Variants in FNDC1 observed in about 807,000 individuals in gnomAD.
The protein encoded by FNDC1 is fibronectin type III domain containing 1.
In FNDC1, 96 loss-of-function variants were observed where a neutral mutation model predicts 168.0. The observed-to-expected ratio is 0.57, with a 90% CI of 0.48 to 0.68. The LOEUF (loss-of-function observed/expected upper bound fraction) is 0.68. Ranked by LOEUF, FNDC1 falls within the 30% of genes least tolerant of loss-of-function variation. The pLI is 0.00. For synonymous variants in FNDC1, 1,099 were observed against 1,025.9 expected, an observed-to-expected ratio of 1.07 and a Z score of -1.36; for missense variants, 2,587 against 2,482.1, an observed-to-expected ratio of 1.04 and a Z score of -0.90.
At chr6:159,255,646 T>C (rs1159830339) in intron 17 of FNDC1, among the ~76,000 whole-genome samples, 1 of 152,244 alleles carries the variant, frequency 6.6e-6, no homozygotes, top group Non-Finnish European at 1.5e-5. Context: ...CTATTGCTAA[T>C]ACTCAGTTTC....
At chr6:159,230,822 T>G (rs904742358) in intron 10 of FNDC1, among the ~76,000 whole-genome samples, 1 of 152,226 alleles carries the variant, frequency 6.6e-6, no homozygotes, top group Non-Finnish European at 1.5e-5. Flanking sequence ...GTGAAATGGA[T>G]GACATTTGCC....
At chr6:159,219,465 C>T (rs1258446358) in intron 5 of FNDC1, among the ~76,000 whole-genome samples, 2 of 152,102 alleles carry the variant, frequency 1.3e-5, no homozygotes, top group African/African-American at 4.8e-5. Context: ...GTCAGCTCTG[C>T]ACCCGCCCCT....
At chr6:159,183,873 C>T (rs922558200) in intron 1 of FNDC1, among the ~76,000 whole-genome samples, 1 of 152,206 alleles carries the variant, frequency 6.6e-6, no homozygotes, top group Admixed American at 6.5e-5. Context: ...ATTCAGGGCA[C>T]GAGCTCATGT....
intron 4 of FNDC1, among the ~76,000 whole-genome samples, chr6:159,202,529 A>G (rs1219186109): frequency 6.6e-6 from 1 of 152,214 alleles, no homozygotes; most frequent in African/African-American, 2.4e-5. Context: ...ACCTGGTGTA[A>G]GGCCCAAAGG....
At chr6:159,187,586 C>T (rs1782030077) in intron 1 of FNDC1, among the ~76,000 whole-genome samples, 1 of 152,178 alleles carries the variant, frequency 6.6e-6, no homozygotes, top group Admixed American at 6.5e-5. Context: ...GTCTACCCAA[C>T]AGCAGCCTCC....
At chr6:159,199,885 T>C (rs1276575919) in intron 2 of FNDC1, 111 bp from the exon 3 acceptor site, 2 of 870,488 alleles carry the variant, frequency 2.3e-6, no homozygotes, top group Admixed American at 2.2e-5. Flanking sequence ...TTTGGATTTT[T>C]GTATTTGGTT....
At chr6:159,174,454 T>C (rs1442776244) in intron 1 of FNDC1, among the ~76,000 whole-genome samples, 1 of 152,262 alleles carries the variant, frequency 6.6e-6, no homozygotes, top group Non-Finnish European at 1.5e-5. Context: ...TAGAGGGCGC[T>C]CCTGGACTTC....
chr6:159,172,849 G>A (rs929717565), intron 1 of FNDC1, among the ~76,000 whole-genome samples: 5 of 152,128 alleles, frequency 3.3e-5, no homozygotes, highest in African/African-American at 1.2e-4. Context: ...TGTGAGGCTG[G>A]GTTTTCTCCA....
rs1447072493 is a variant in FNDC1, at chr6:159,233,835, C to A, written c.3323C>A (p.Pro1108His). ...GCCAAGGAGGCAGCTGCGTCCCTTC[C>A]CAAGCACCAGCAGGTGGAGTCTCCC... Reference protein sequence around the residue: ...ARAKEAAASLPKHQQVESPTG... With the variant: ...ARAKEAAASLHKHQQVESPTG... The change falls in exon 11 of 23, where the codon CCC becomes CAC. Residue 1108 changes from proline (P) to histidine (H), a missense_variant. Transcript: ENST00000297267. The surrounding 1 kb of genome is among the most constrained non-coding windows in gnomAD (Gnocchi z 4.6). 2 of 1,543,424 alleles carry A rather than the reference C, an allele frequency of 1.3e-6. No individual in the cohort carries two copies. The highest frequency in any genetic ancestry group is 4.0e-5 in the Admixed American group (2 of 50,060).
At chr6:159,262,058 G>C (rs1424975325) in intron 19 of FNDC1, among the ~76,000 whole-genome samples, 1 of 152,198 alleles carries the variant, frequency 6.6e-6, no homozygotes, top group Non-Finnish European at 1.5e-5. Context: ...AGTGAGCCAT[G>C]ATCATGCCAC....
chr6:159,249,012 A>C, intron 15 of FNDC1, 27 bp from the exon 16 acceptor site: 1 of 1,578,068 alleles, frequency 6.3e-7, no homozygotes, highest in East Asian at 2.3e-5. Context: ...GGCAGTGCCC[A>C]ATTACAGAGC....
At chr6:159,195,937 T>TA (rs1782233849) in intron 1 of FNDC1, among the ~76,000 whole-genome samples, 1 of 152,220 alleles carries the variant, frequency 6.6e-6, no homozygotes, top group South Asian at 2.1e-4. Flanking sequence ...GAGCTTCCAT[T>TA]TGTAGTTTTC....
intron 19 of FNDC1, among the ~76,000 whole-genome samples, chr6:159,262,553 A>G (rs1358332865): frequency 6.6e-6 from 1 of 152,246 alleles, no homozygotes; most frequent in East Asian, 1.9e-4. Flanking sequence ...TTCTAAAAAC[A>G]AAGTGGACCT....
At chr6:159,254,422 A>G (rs1777331345) in intron 17 of FNDC1, among the ~76,000 whole-genome samples, 1 of 152,120 alleles carries the variant, frequency 6.6e-6, no homozygotes, top group South Asian at 2.1e-4. Context: ...CCAAATAGTA[A>G]AATCAGATGC....
At chr6:159,262,179 C>T (rs1777500680) in intron 19 of FNDC1, among the ~76,000 whole-genome samples, 1 of 152,102 alleles carries the variant, frequency 6.6e-6, no homozygotes. Context: ...AGTTCTTGGC[C>T]TAGAGACTTT....
chr6:159,239,705 A>G lies in FNDC1; in HGVS notation c.4369A>G (p.Thr1457Ala). Residue 1457 changes from threonine (T) to alanine (A), a missense_variant, in exon 14 of 23, where the codon ACG becomes GCG. Transcript: ENST00000297267. ...PTTTMQPTTT[T>A]TPLPTTTTPR... ...CACTACCATGCAGCCCACCACTACT[A>G]CGACGCCCCTGCCTACCACTACAAC... 2 of 1,549,164 alleles carry G rather than the reference A, an allele frequency of 1.3e-6. No homozygotes were observed. Among genetic ancestry groups the G allele is most frequent in the East Asian group, 2.4e-5 (1 of 40,880 alleles).
chr6:159,204,820 A>C (rs1206939899), intron 4 of FNDC1, among the ~76,000 whole-genome samples: 1 of 152,134 alleles, frequency 6.6e-6, no homozygotes, highest in Non-Finnish European at 1.5e-5. Flanking sequence ...TTGTCCTCAC[A>C]CAGTTTCCTT....
intron 21 of FNDC1, 86 bp downstream of exon 21, chr6:159,266,331 AT>A: frequency 7.2e-7 from 1 of 1,393,890 alleles, no homozygotes; most frequent in Non-Finnish European, 1.0e-6. Flanking sequence ...GTGCATCGGA[AT>A]GTTTATGAGG....
At chr6:159,181,870 A>C (rs1451253060) in intron 1 of FNDC1, among the ~76,000 whole-genome samples, 1 of 152,180 alleles carries the variant, frequency 6.6e-6, no homozygotes, top group Non-Finnish European at 1.5e-5. Flanking sequence ...CGTGGATCTG[A>C]CAGCCTTTGA....
Sources: gnomAD v4.1 joint callset for allele counts (sites outside exome capture counted in the v4.1 genomes callset) on GRCh38, gnomAD v4.1.1 for gene constraint, Gnocchi (gnomAD v3.1) non-coding constraint, MANE v1.5 for transcripts, NCBI Gene and HGNC (gene_info 2026-07-23, HGNC 2026-07-21) for gene names.